Variants in EPCIP observed in about 807,000 individuals in gnomAD.
The protein encoded by EPCIP is exosomal polycystin-1-interacting protein.
chr21:32,801,943 G>A, the EPCIP span, among the ~76,000 whole-genome samples: 1 of 152,216 alleles, frequency 6.6e-6, no homozygotes, highest in African/African-American at 2.4e-5. Flanking sequence ...AGAGGTTCGG[G>A]TTAGGAAGGG....
the EPCIP span, chr21:32,790,875 AAAAC>A: frequency 6.6e-6 from 1 of 152,232 alleles, no homozygotes; most frequent in Non-Finnish European, 1.5e-5. Context: ...GATATTATTT[AAAAC>A]AAACAAACAA....
At chr21:32,795,534 G>A in the EPCIP span, among the ~76,000 whole-genome samples, 1 of 152,206 alleles carries the variant, frequency 6.6e-6, no homozygotes, top group Non-Finnish European at 1.5e-5. Flanking sequence ...TTCTCCATTT[G>A]CTAAGCTCCA....
At chr21:32,803,420 A>T in the EPCIP span, among the ~76,000 whole-genome samples, 207 of 152,112 alleles carry the variant, frequency 1.4e-3, 1 homozygote, top group Non-Finnish European at 2.6e-3. Context: ...TCCAGTGCCC[A>T]CTTGTCCAGG....
the EPCIP span, chr21:32,793,942 G>A: frequency 6.2e-7 from 1 of 1,614,212 alleles, no homozygotes; most frequent in Non-Finnish European, 8.5e-7. Flanking sequence ...ATGGCTGCCA[G>A]CCTTTGTGTA....
the EPCIP span, chr21:32,813,464 A>G: frequency 5.1e-6 from 2 of 394,980 alleles, no homozygotes; most frequent in East Asian, 1.5e-4. Flanking sequence ...AAATGCAACA[A>G]GAAGGTGACC....
At chr21:32,804,265 A>C in the EPCIP span, among the ~76,000 whole-genome samples, 11 of 117,786 alleles carry the variant, frequency 9.3e-5, no homozygotes, top group East Asian at 1.1e-3. Context: ...AGCAAAGTAG[A>C]TGCATGTGAT....
chr21:32,792,846 G>T, the EPCIP span, among the ~76,000 whole-genome samples: 77 of 152,074 alleles, frequency 5.1e-4, 4 homozygotes, highest in East Asian at 0.015. Flanking sequence ...TTATTTCTTG[G>T]TGCATCTATT....
the EPCIP span, among the ~76,000 whole-genome samples, chr21:32,795,701 C>G: frequency 1.3e-5 from 2 of 152,118 alleles, no homozygotes; most frequent in African/African-American, 4.8e-5. Context: ...AGGAAAGAGG[C>G]TAGGCAGACA....
At chr21:32,810,450 A>G in the EPCIP span, 1 of 277,864 alleles carries the variant, frequency 3.6e-6, no homozygotes, top group Non-Finnish European at 7.1e-6. Flanking sequence ...TTTAGTGCAG[A>G]CGGGGTTTCA....
At chr21:32,791,548 T>A in the EPCIP span, 2 of 152,188 alleles carry the variant, frequency 1.3e-5, no homozygotes, top group African/African-American at 4.8e-5. Flanking sequence ...TTTAACATTA[T>A]CTGCAGTACA....
At chr21:32,813,563 T>A in the EPCIP span, 1 of 470,328 alleles carries the variant, frequency 2.1e-6, no homozygotes, top group Non-Finnish European at 4.4e-6. Flanking sequence ...ACATGCTTTT[T>A]AAAAAAGAAG....
the EPCIP span, among the ~76,000 whole-genome samples, chr21:32,803,785 C>T: frequency 6.6e-6 from 1 of 152,176 alleles, no homozygotes; most frequent in East Asian, 1.9e-4. Flanking sequence ...TCACATTCCA[C>T]AACAGCACAT....
chr21:32,812,217 C>A, the EPCIP span, among the ~76,000 whole-genome samples: 1 of 152,176 alleles, frequency 6.6e-6, no homozygotes, highest in Admixed American at 6.5e-5. Context: ...GCAATGAGTG[C>A]AAATCCTTCA....
the EPCIP span, among the ~76,000 whole-genome samples, chr21:32,803,821 AT>A: frequency 5.3e-5 from 8 of 151,944 alleles, no homozygotes; most frequent in East Asian, 1.6e-3. Context: ...GAGCCACTGA[AT>A]TTTCACAGGC....
At chr21:32,793,523 G>A in the EPCIP span, 12 of 579,200 alleles carry the variant, frequency 2.1e-5, no homozygotes, top group Admixed American at 6.1e-5. Flanking sequence ...GTCCCTGGAC[G>A]GAATCAAGTT....
the EPCIP span, among the ~76,000 whole-genome samples, chr21:32,807,354 CAG>C: frequency 3.6e-5 from 2 of 55,436 alleles, no homozygotes; most frequent in Non-Finnish European, 8.0e-5. Flanking sequence ...TTTTTTGAGA[CAG>C]AGTTTTGCTC....
the EPCIP span, among the ~76,000 whole-genome samples, chr21:32,808,686 A>T: frequency 2.0e-5 from 3 of 152,180 alleles, no homozygotes; most frequent in South Asian, 4.1e-4. Context: ...CAATGGGTGA[A>T]ATCTAAGGAC....
chr21:32,792,942 C>T, the EPCIP span, among the ~76,000 whole-genome samples: 11 of 148,236 alleles, frequency 7.4e-5, no homozygotes, highest in Admixed American at 6.7e-4. Flanking sequence ...GATGGAGTTT[C>T]GCTCTTGTTG....
chr21:32,809,245 GTTCT>G, the EPCIP span, among the ~76,000 whole-genome samples: 6 of 139,960 alleles, frequency 4.3e-5, no homozygotes, highest in East Asian at 6.6e-4. Flanking sequence ...GGCTTTTGTT[GTTCT>G]TTCTTCTTTT....
Sources: gnomAD v4.1 joint callset for allele counts (sites outside exome capture counted in the v4.1 genomes callset) on GRCh38, gnomAD v4.1.1 for gene constraint, MANE v1.5 for transcripts, NCBI Gene and HGNC (gene_info 2026-07-23, HGNC 2026-07-21) for gene names.